The following TUBB6 variants were observed in gnomAD, a reference collection of about 807,000 sequenced individuals.
The protein encoded by TUBB6 is tubulin beta-6 chain.
Under a neutral mutation model 32.3 loss-of-function variants are expected in TUBB6, and 18 were observed. That is an observed-to-expected ratio of 0.56 (90% CI 0.39 to 0.83). The LOEUF is 0.83. Ranked by LOEUF, TUBB6 falls within the 40% of genes least tolerant of loss-of-function variation. The pLI is 0.00. For missense variants in TUBB6, 480 were observed against 632.0 expected, an observed-to-expected ratio of 0.76 and a Z score of 2.58; for synonymous variants, 280 against 265.8, an observed-to-expected ratio of 1.05 and a Z score of -0.52.
chr18:12,325,455 C>A lies in TUBB6; in HGVS notation c.666C>A (p.Tyr222Ter), dbSNP rs145399267. Residue 222 changes from tyrosine (Y) to a stop codon, truncating the protein, a stop_gained, in exon 4 of 4, where the codon TAC becomes TAA. Transcript: ENST00000317702. LOFTEE classifies it high-confidence loss of function. ...FRTLKLTTPTYGDLNHLVSAT... is the reference protein window; with the variant it reads ...FRTLKLTTPT ...CTCTGAAGCTGACAACGCCCACCTA[C>A]GGGGACCTCAACCACCTGGTGTCCG... is the stretch of plus-strand genomic sequence containing the variant. The A allele has an allele frequency of 6.2e-7, 1 of 1,614,236 alleles. No homozygotes were observed. Among genetic ancestry groups the A allele is most frequent in the African/African-American group, 1.3e-5 (1 of 75,074 alleles).
At chr18:12,316,116 A>C (rs904886041) in intron 3 of TUBB6, among the ~76,000 whole-genome samples, 4 of 152,356 alleles carry the variant, frequency 2.6e-5, no homozygotes, top group Non-Finnish European at 5.9e-5. Context: ...GGCCTCACCC[A>C]CCAGCAGTCA....
intron 3 of TUBB6, among the ~76,000 whole-genome samples, chr18:12,324,514 C>G (rs1459345108): frequency 6.7e-6 from 1 of 149,476 alleles, no homozygotes. Flanking sequence ...ACCATCTCAG[C>G]ACACTAGAAC....
At chr18:12,329,456 T>G (rs114203162), downstream of TUBB6, 2,345 of 1,177,410 alleles carry the variant, frequency 2.0e-3, 35 homozygotes, top group African/African-American at 0.03. Flanking sequence ...GCTGGGCCAG[T>G]GGCTGGCTAA....
intron 3 of TUBB6, among the ~76,000 whole-genome samples, chr18:12,318,668 C>T (rs1411196428): frequency 6.6e-6 from 1 of 152,136 alleles, no homozygotes; most frequent in African/African-American, 2.4e-5. Context: ...GCTGATGCTG[C>T]AGACAAGTGC....
downstream of TUBB6, chr18:12,329,440 A>AT: frequency 9.6e-7 from 1 of 1,040,380 alleles, no homozygotes; most frequent in Non-Finnish European, 1.5e-6. Flanking sequence ...TTTCCCCATC[A>AT]TTTCAGCTGG....
At chr18:12,311,468 G>T (rs763038568) in intron 3 of TUBB6, among the ~76,000 whole-genome samples, 7 of 152,058 alleles carry the variant, frequency 4.6e-5, no homozygotes, top group Non-Finnish European at 7.4e-5. Context: ...ATGGTGGCAC[G>T]TGCCTGTAGT....
chr18:12,317,153 C>CAAAA (rs773323455), intron 3 of TUBB6, among the ~76,000 whole-genome samples: 1 of 66,374 alleles, frequency 1.5e-5, no homozygotes. Flanking sequence ...GAGACCCTGT[C>CAAAA]AAAAAAAAAA....
chr18:12,325,063 G>T lies in TUBB6; in HGVS notation c.278-4G>T. On this transcript the variant is annotated splice_polypyrimidine_tract_variant and splice_region_variant and intron_variant, in intron 3 of 3. Coordinates refer to ENST00000317702, the MANE Select transcript of TUBB6 (RefSeq NM_032525.3). Reference sequence around the variant, plus strand: ...TAAACGGCACGGGACTCTCTTTGTTGCAGGCCAGACGGGTGCAGGGAACAA... The same window carrying T: ...TAAACGGCACGGGACTCTCTTTGTTTCAGGCCAGACGGGTGCAGGGAACAA... 6.4e-7 allele frequency: 1 copy of T among 1,560,144 alleles called. No individual in the cohort carries two copies. Among genetic ancestry groups the T allele is most frequent in the South Asian group, 1.2e-5 (1 of 81,726 alleles).
At chr18:12,317,706 G>A (rs147789873) in intron 3 of TUBB6, among the ~76,000 whole-genome samples, 32 of 152,270 alleles carry the variant, frequency 2.1e-4, no homozygotes, top group African/African-American at 7.5e-4. Flanking sequence ...CCAGAGGGGG[G>A]ACTCAGAGAA....
downstream of TUBB6, chr18:12,329,450 G>T (rs913625528): frequency 5.5e-6 from 6 of 1,096,388 alleles, no homozygotes; most frequent in South Asian, 7.5e-5. Context: ...ATTTCAGCTG[G>T]GCCAGTGGCT....
chr18:12,308,607 G>C, intron 1 of TUBB6, 80 bp from the exon 2 acceptor site: 1 of 1,110,100 alleles, frequency 9.0e-7, no homozygotes, highest in South Asian at 1.4e-5. Flanking sequence ...CGGCCGCCGG[G>C]GCGCCTGGGG....
At chr18:12,308,125 G>C (rs1348339367), upstream of TUBB6, 1 of 227,606 alleles carries the variant, frequency 4.4e-6, no homozygotes, top group Non-Finnish European at 7.3e-6. Flanking sequence ...GGCTGCTGCA[G>C]GCCGGGCCGC....
Position 12,312,939 on chromosome 18 carries a change from G to T in TUBB6, c.277+1886G>T, listed in dbSNP as rs4796959. 5.4e-5 allele frequency among the ~76,000 whole-genome samples: 8 copies of T among 148,382 alleles called. No homozygotes were observed. The South Asian group carries it at 1.3e-3, about 24-fold the overall frequency. ...ACTTGAACCCAGCAGGCGGAGGTTG[G>T]GGTGAACCAAGATCGCACCATTGCA... is the stretch of plus-strand genomic sequence containing the variant. On this transcript the variant is annotated intron_variant, in intron 3 of 3. Coordinates refer to ENST00000317702, the MANE Select transcript of TUBB6 (RefSeq NM_032525.3).
At chr18:12,322,356 C>CTT (rs1190247505) in intron 3 of TUBB6, among the ~76,000 whole-genome samples, 8 of 139,520 alleles carry the variant, frequency 5.7e-5, no homozygotes, top group African/African-American at 1.0e-4. Flanking sequence ...ATTGAAAATA[C>CTT]TTTTTTTTTT....
Position 12,326,013 on chromosome 18 carries a change from C to G in TUBB6, c.1224C>G (p.Phe408Leu). The G allele has an allele frequency of 6.2e-7, 1 of 1,614,178 alleles. No individual in the cohort carries two copies. The highest frequency in any genetic ancestry group is 8.5e-7 in the Non-Finnish European group (1 of 1,180,050). ...GTGAGGGCATGGATGAAATGGAGTT[C>G]ACCGAGGCGGAGAGCAACATGAACG... ...FTGEGMDEMEFTEAESNMNDL... is the reference protein window; with the variant it reads ...FTGEGMDEMELTEAESNMNDL... The change falls in exon 4 of 4, where the codon TTC (phenylalanine) becomes TTG (leucine). Residue 408 changes from phenylalanine to leucine, a missense_variant. Coordinates refer to ENST00000317702, the MANE Select transcript of TUBB6 (RefSeq NM_032525.3).
At chr18:12,316,448 G>A (rs926913250) in intron 3 of TUBB6, among the ~76,000 whole-genome samples, 5 of 152,168 alleles carry the variant, frequency 3.3e-5, no homozygotes, top group South Asian at 2.1e-4. Flanking sequence ...AACTGTCCCC[G>A]AAATTGCTTC....
rs75689699 is a variant in TUBB6, at chr18:12,319,792, A to G, written c.278-5275A>G. On this transcript the variant is annotated intron_variant, in intron 3 of 3. Transcript: ENST00000317702. ...AACATAAGGGGACCCTCTCTACAAA[A>G]TTTTTCTTTTTTTTGACGGAGTCTC... is the stretch of plus-strand genomic sequence containing the variant. Among the ~76,000 whole-genome samples, 527 of 151,378 alleles carry G rather than the reference A, an allele frequency of 3.5e-3. 5 individuals are homozygous for G. Among genetic ancestry groups the G allele is most frequent in the African/African-American group, 0.011 (471 of 41,286 alleles).
chr18:12,321,754 A>C (rs2144158455), intron 3 of TUBB6, among the ~76,000 whole-genome samples: 1 of 152,378 alleles, frequency 6.6e-6, no homozygotes, highest in South Asian at 2.1e-4. Flanking sequence ...TCTGCAGCCC[A>C]AAATTTCATG....
Position 12,326,022 on chromosome 18 carries a change from G to A in TUBB6, c.1233G>A (p.Ala411=), listed in dbSNP as rs367986182. Residue 411 remains alanine (A), a synonymous_variant, in exon 4 of 4, where the codon GCG becomes GCA. Transcript: ENST00000317702. The stretch of plus-strand genomic sequence containing the variant: ...TGGATGAAATGGAGTTCACCGAGGC[G>A]GAGAGCAACATGAACGACCTGGTAT... The part of the protein sequence containing the change: ...EGMDEMEFTE[A]ESNMNDLVSE... 45 of 1,614,156 alleles carry A rather than the reference G, an allele frequency of 2.8e-5. No homozygotes were observed. The highest frequency in any genetic ancestry group is 6.7e-5 in the Admixed American group (4 of 60,024).
Sources: allele counts gnomAD v4.1 joint callset (sites outside exome capture counted in the v4.1 genomes callset), GRCh38; gene constraint gnomAD v4.1.1; transcripts MANE v1.5; gene names NCBI Gene and HGNC (gene_info 2026-07-23, HGNC 2026-07-21).